DOK6: variants seen among roughly 807,000 people sequenced by gnomAD.
The protein encoded by DOK6 is downstream of tyrosine kinase 6.
DOK6 carries 22 observed loss-of-function variants against 44.0 expected under a neutral mutation model. The ratio of observed to expected loss-of-function variants is 0.50; its 90% confidence interval spans 0.36 to 0.71. The LOEUF (loss-of-function observed/expected upper bound fraction) is 0.71, where lower values mean the gene tolerates loss of function less well. Among genes scored for constraint, DOK6 ranks in the 30% least tolerant of loss-of-function variants. The pLI is 0.00. For missense variants in DOK6, 340 were observed against 416.4 expected, an observed-to-expected ratio of 0.82 and a Z score of 1.60; for synonymous variants, 166 against 145.5, an observed-to-expected ratio of 1.14 and a Z score of -1.01.
intron 1 of DOK6, among the ~76,000 whole-genome samples, chr18:69,470,431 G>A (rs1249601245): frequency 6.6e-6 from 1 of 152,158 alleles, no homozygotes; most frequent in African/African-American, 2.4e-5. Context: ...TTTCTGGCCT[G>A]GCCCTGCTGG....
intron 7 of DOK6, among the ~76,000 whole-genome samples, chr18:69,784,333 AG>A (rs1216860593): frequency 2.0e-5 from 3 of 152,134 alleles, no homozygotes; most frequent in African/African-American, 7.2e-5. Flanking sequence ...CATAATTCTT[AG>A]GCAGGAAATA....
At chr18:69,831,722 T>C (rs984949521) in intron 7 of DOK6, among the ~76,000 whole-genome samples, 3 of 152,196 alleles carry the variant, frequency 2.0e-5, no homozygotes, top group African/African-American at 4.8e-5. Context: ...CAAAGGAATT[T>C]CAGAAGCACT....
chr18:69,558,890 T>C (rs1487951166), intron 1 of DOK6, among the ~76,000 whole-genome samples: 2 of 152,104 alleles, frequency 1.3e-5, no homozygotes, highest in Non-Finnish European at 2.9e-5. Context: ...AATGTACCAT[T>C]GTTATATAGG....
chr18:69,775,627 A>C (rs1008834130), intron 7 of DOK6, among the ~76,000 whole-genome samples: 1 of 151,746 alleles, frequency 6.6e-6, no homozygotes, highest in Non-Finnish European at 1.5e-5. Context: ...ATAGAAAGAA[A>C]AAAGAGTAAA....
chr18:69,591,698 G>A (rs1272291802), intron 2 of DOK6, among the ~76,000 whole-genome samples: 3 of 152,010 alleles, frequency 2.0e-5, no homozygotes, highest in Non-Finnish European at 2.9e-5. Context: ...ATTCCAAGAT[G>A]ATACAAAACC....
chr18:69,820,154 C>A (rs1037107617), intron 7 of DOK6, among the ~76,000 whole-genome samples: 50 of 152,154 alleles, frequency 3.3e-4, no homozygotes, highest in African/African-American at 1.1e-3. Flanking sequence ...CATCAGTCAA[C>A]AGACAATTAG....
intron 3 of DOK6, among the ~76,000 whole-genome samples, chr18:69,653,103 A>G (rs1157415198): frequency 1.3e-5 from 2 of 152,176 alleles, no homozygotes; most frequent in Admixed American, 6.5e-5. Context: ...AGTATCTAAG[A>G]AACATCAAAG....
intron 7 of DOK6, among the ~76,000 whole-genome samples, chr18:69,821,643 T>C (rs1188481084): frequency 6.6e-6 from 1 of 152,178 alleles, no homozygotes; most frequent in African/African-American, 2.4e-5. Flanking sequence ...ACAATGGCTC[T>C]AACAGGATAA....
At chr18:69,581,587 T>C (rs1160098644) in intron 2 of DOK6, among the ~76,000 whole-genome samples, 1 of 152,206 alleles carries the variant, frequency 6.6e-6, no homozygotes, top group African/African-American at 2.4e-5. Flanking sequence ...ATAGGCATCA[T>C]ATTTGAAGTG....
intron 1 of DOK6, among the ~76,000 whole-genome samples, chr18:69,517,434 G>T (rs1156902114): frequency 6.6e-6 from 1 of 152,016 alleles, no homozygotes; most frequent in African/African-American, 2.4e-5. Context: ...ATTGACATTG[G>T]TCATTAAACT....
intron 1 of DOK6, among the ~76,000 whole-genome samples, chr18:69,437,040 T>C (rs1195209460): frequency 6.6e-6 from 1 of 152,208 alleles, no homozygotes; most frequent in East Asian, 1.9e-4. Context: ...AAGTTCTTTG[T>C]AGATTCTGGA....
chr18:69,623,588 G>T (rs1028439750), intron 3 of DOK6, among the ~76,000 whole-genome samples: 3 of 152,126 alleles, frequency 2.0e-5, no homozygotes, highest in African/African-American at 7.2e-5. Flanking sequence ...TAGGGCACTG[G>T]AAACAGAGGG....
Position 69,402,977 on chromosome 18 carries a change from G to A in DOK6, c.66+1667G>A, listed in dbSNP as rs116816597. 2.9e-3 allele frequency among the ~76,000 whole-genome samples: 437 copies of A among 152,318 alleles called. 2 individuals carry two copies. The highest frequency in any genetic ancestry group is 0.01 in the African/African-American group (418 of 41,566). On this transcript the variant is annotated intron_variant, in intron 1 of 7. Coordinates refer to ENST00000382713, the MANE Select transcript of DOK6 (RefSeq NM_152721.6). Reference sequence around the variant, plus strand: ...CACCACACAGCTGTCAGCCAAGGGAGGTGCAGAGCTGGAGGTGGAAGGGAG... The same window carrying A: ...CACCACACAGCTGTCAGCCAAGGGAAGTGCAGAGCTGGAGGTGGAAGGGAG...
chr18:69,631,968 T>C (rs555464026), intron 3 of DOK6, among the ~76,000 whole-genome samples: 7 of 152,362 alleles, frequency 4.6e-5, no homozygotes, highest in African/African-American at 1.7e-4. Flanking sequence ...TTTGATTCAT[T>C]GTATGCCTTA....
At chr18:69,799,555 C>G (rs1013256947) in intron 7 of DOK6, among the ~76,000 whole-genome samples, 4 of 152,026 alleles carry the variant, frequency 2.6e-5, no homozygotes, top group Non-Finnish European at 4.4e-5. Context: ...TTGCTTATCT[C>G]CAATATTTTC....
At chr18:69,461,067 C>T (rs1395328750) in intron 1 of DOK6, among the ~76,000 whole-genome samples, 1 of 152,162 alleles carries the variant, frequency 6.6e-6, no homozygotes, top group Non-Finnish European at 1.5e-5. Flanking sequence ...TGTGGAATGG[C>T]ACTGACATCT....
At chr18:69,749,205 T>C (rs1047211918) in intron 6 of DOK6, among the ~76,000 whole-genome samples, 9 of 152,088 alleles carry the variant, frequency 5.9e-5, no homozygotes, top group Non-Finnish European at 1.3e-4. Flanking sequence ...CTAGGCTTAA[T>C]ATCTAGGTGA....
chr18:69,457,508 C>T (rs1979662782), intron 1 of DOK6, among the ~76,000 whole-genome samples: 1 of 151,990 alleles, frequency 6.6e-6, no homozygotes, highest in Non-Finnish European at 1.5e-5. Flanking sequence ...TGTTTTTGTA[C>T]CAGTAGTATG....
At chr18:69,723,219 T>C (rs1978291877) in intron 5 of DOK6, among the ~76,000 whole-genome samples, 1 of 152,192 alleles carries the variant, frequency 6.6e-6, no homozygotes, top group Non-Finnish European at 1.5e-5. Flanking sequence ...GCACAGCCCC[T>C]GAGAACAAGA....
Sources: allele counts gnomAD v4.1 joint callset (sites outside exome capture counted in the v4.1 genomes callset), GRCh38; gene constraint gnomAD v4.1.1; transcripts MANE v1.5; gene names NCBI Gene and HGNC (gene_info 2026-07-23, HGNC 2026-07-21).